Variants in ARB2A observed in about 807,000 individuals in gnomAD.
ARB2A encodes the protein cotranscriptional regulator ARB2A.
At chr5:93,952,180 C>T in the ARB2A span, among the ~76,000 whole-genome samples, 1 of 152,118 alleles carries the variant, frequency 6.6e-6, no homozygotes, top group African/African-American at 2.4e-5. Context: ...TCAGTGCAAT[C>T]CCTATCAAAA....
chr5:93,654,631 GTC>G, the ARB2A span, among the ~76,000 whole-genome samples: 1 of 152,130 alleles, frequency 6.6e-6, no homozygotes, highest in South Asian at 2.1e-4. Flanking sequence ...AATTGCTAAT[GTC>G]TGTTTTTCAT....
chr5:93,895,757 TTCTC>T, the ARB2A span, among the ~76,000 whole-genome samples: 1 of 152,074 alleles, frequency 6.6e-6, no homozygotes, highest in African/African-American at 2.4e-5. Context: ...GCAATTACAT[TTCTC>T]TCTCTATGAA....
the ARB2A span, among the ~76,000 whole-genome samples, chr5:94,090,632 G>A: frequency 6.6e-6 from 1 of 152,110 alleles, no homozygotes; most frequent in Non-Finnish European, 1.5e-5. Context: ...TCCAGCTTTT[G>A]CCCATTCAGT....
the ARB2A span, among the ~76,000 whole-genome samples, chr5:94,104,221 T>G: frequency 6.6e-6 from 1 of 151,620 alleles, no homozygotes; most frequent in African/African-American, 2.4e-5. Context: ...AAAACGTCGT[T>G]CTCTGAAAGA....
the ARB2A span, among the ~76,000 whole-genome samples, chr5:94,036,026 A>C: frequency 6.6e-6 from 1 of 152,046 alleles, no homozygotes; most frequent in Non-Finnish European, 1.5e-5. Flanking sequence ...ATTAAAAAAA[A>C]CAGTAAAACC....
the ARB2A span, among the ~76,000 whole-genome samples, chr5:93,682,401 T>C: frequency 6.6e-6 from 1 of 152,084 alleles, no homozygotes; most frequent in Admixed American, 6.6e-5. Context: ...TCCCACCTTG[T>C]AAAAAGTCCC....
chr5:94,013,173 G>GTTTTT, the ARB2A span, among the ~76,000 whole-genome samples: 20 of 112,502 alleles, frequency 1.8e-4, no homozygotes, highest in South Asian at 3.0e-4. Flanking sequence ...TCAGTAAGTT[G>GTTTTT]TTTTTTTTTT....
chr5:93,805,111 T>C, the ARB2A span: 1 of 978,134 alleles, frequency 1.0e-6, no homozygotes, highest in Non-Finnish European at 1.2e-6. Flanking sequence ...TATTAGAAAT[T>C]CTCAGATTCA....
At chr5:94,101,527 AT>A in the ARB2A span, among the ~76,000 whole-genome samples, 1 of 152,182 alleles carries the variant, frequency 6.6e-6, no homozygotes, top group Non-Finnish European at 1.5e-5. Flanking sequence ...CAGTAAAGAT[AT>A]GGAATCAACC....
chr5:93,738,157 CT>C, the ARB2A span: 5 of 183,478 alleles, frequency 2.7e-5, no homozygotes, highest in Non-Finnish European at 4.6e-5. Flanking sequence ...ATAGACATTT[CT>C]TTAAAGAAGA....
chr5:93,879,805 GAA>G, the ARB2A span, among the ~76,000 whole-genome samples: 1 of 151,598 alleles, frequency 6.6e-6, no homozygotes, highest in African/African-American at 2.4e-5. Context: ...TGTTTAAGAA[GAA>G]ATAAACCTAA....
At chr5:93,627,453 T>G in the ARB2A span, among the ~76,000 whole-genome samples, 1 of 149,676 alleles carries the variant, frequency 6.7e-6, no homozygotes, top group Non-Finnish European at 1.5e-5. Flanking sequence ...GTTTTTTTTT[T>G]TTTTTTTTGA....
the ARB2A span, among the ~76,000 whole-genome samples, chr5:93,948,999 C>A: frequency 6.6e-6 from 1 of 152,082 alleles, no homozygotes; most frequent in Non-Finnish European, 1.5e-5. Flanking sequence ...ACCTCTCAGT[C>A]CCAAAGATAT....
chr5:93,669,426 T>G, the ARB2A span, among the ~76,000 whole-genome samples: 1 of 152,340 alleles, frequency 6.6e-6, no homozygotes, highest in African/African-American at 2.4e-5. Context: ...TGAGAGGCAC[T>G]GTTTTCAGGT....
chr5:93,940,597 CAATATCAG>C, the ARB2A span, among the ~76,000 whole-genome samples: 1 of 151,736 alleles, frequency 6.6e-6, no homozygotes, highest in Non-Finnish European at 1.5e-5. Context: ...TAAAATCAAA[CAATATCAG>C]AATATCAGAA....
chr5:93,703,445 C>T, the ARB2A span, among the ~76,000 whole-genome samples: 11 of 152,178 alleles, frequency 7.2e-5, no homozygotes, highest in African/African-American at 2.7e-4. Flanking sequence ...GTGAATGGCA[C>T]AAAGCAGGGA....
At chr5:93,958,901 T>A in the ARB2A span, 15 of 1,608,132 alleles carry the variant, frequency 9.3e-6, no homozygotes, top group Non-Finnish European at 1.3e-5. Flanking sequence ...CATCAGTTTC[T>A]GTGGATTTGT....
the ARB2A span, among the ~76,000 whole-genome samples, chr5:94,024,619 G>A: frequency 6.6e-6 from 1 of 151,956 alleles, no homozygotes; most frequent in African/African-American, 2.4e-5. Context: ...AACACTAAGG[G>A]AAATAATGTG....
At chr5:93,866,281 C>G in the ARB2A span, 1 of 982,606 alleles carries the variant, frequency 1.0e-6, no homozygotes, top group Non-Finnish European at 1.2e-6. Context: ...TGTCACAATT[C>G]AGATATAATG....
Sources: gnomAD v4.1 joint callset for allele counts (sites outside exome capture counted in the v4.1 genomes callset) on GRCh38, gnomAD v4.1.1 for gene constraint, MANE v1.5 for transcripts, NCBI Gene and HGNC (gene_info 2026-07-23, HGNC 2026-07-21) for gene names.